The following RALYL variants were observed in gnomAD, a reference collection of about 807,000 sequenced individuals.
The protein encoded by RALYL is RNA-binding Raly-like protein.
RALYL carries 29 observed loss-of-function variants against 35.1 expected under a neutral mutation model. That is an observed-to-expected ratio of 0.83 (90% CI 0.61 to 1.13). RALYL has a LOEUF of 1.13. RALYL is among the 50% of genes most tolerant of loss of function. The probability of loss-of-function intolerance (pLI) is 0.00; values close to 1 mark genes in which losing one functional copy is unlikely to be tolerated. For synonymous variants in RALYL, 120 were observed against 127.6 expected (o/e 0.94, Z 0.40); for missense variants, 359 against 360.4 (o/e 1.00, Z 0.03).
chr8:84,319,902 G>C (rs910960885), intron 1 of RALYL, among the ~76,000 whole-genome samples: 2 of 151,844 alleles, frequency 1.3e-5, no homozygotes, highest in African/African-American at 4.8e-5. Context: ...TTGTAAGACA[G>C]AATTCAAATA....
At chr8:84,377,167 T>A (rs896360891) in intron 1 of RALYL, among the ~76,000 whole-genome samples, 33 of 151,946 alleles carry the variant, frequency 2.2e-4, no homozygotes, top group Middle Eastern at 3.4e-3. Flanking sequence ...ATATTTTAAG[T>A]ATCACAACTA....
intron 1 of RALYL, among the ~76,000 whole-genome samples, chr8:84,412,317 T>C (rs1311283392): frequency 6.6e-6 from 1 of 151,954 alleles, no homozygotes; most frequent in African/African-American, 2.4e-5. Flanking sequence ...AGGTGCTCAT[T>C]ACAATTTTAT....
intron 2 of RALYL, among the ~76,000 whole-genome samples, chr8:84,699,346 T>A (rs2132285320): frequency 6.6e-6 from 1 of 152,234 alleles, no homozygotes; most frequent in Admixed American, 6.5e-5. Flanking sequence ...TTCTCCCACA[T>A]CATGCTTGTC....
At chr8:84,624,222 G>T (rs1380672711) in intron 2 of RALYL, among the ~76,000 whole-genome samples, 1 of 152,118 alleles carries the variant, frequency 6.6e-6, no homozygotes, top group Non-Finnish European at 1.5e-5. Context: ...TTTTCTTACT[G>T]TACTAGTTCT....
chr8:84,370,853 C>T (rs1199444640), intron 1 of RALYL, among the ~76,000 whole-genome samples: 2 of 151,946 alleles, frequency 1.3e-5, no homozygotes, highest in Non-Finnish European at 2.9e-5. Flanking sequence ...TATATAGCTG[C>T]CTTAGATTGT....
intron 2 of RALYL, among the ~76,000 whole-genome samples, chr8:84,633,943 T>C (rs1457136367): frequency 6.6e-6 from 1 of 151,850 alleles, no homozygotes; most frequent in Non-Finnish European, 1.5e-5. Flanking sequence ...TACAGGTTTG[T>C]ACCTTAGGAA....
chr8:84,545,184 T>C (rs1212745567), intron 2 of RALYL, among the ~76,000 whole-genome samples: 1 of 152,146 alleles, frequency 6.6e-6, no homozygotes, highest in Non-Finnish European at 1.5e-5. Flanking sequence ...TATTTTATAA[T>C]CCATCTTTTC....
chr8:84,673,199 G>A (rs1466038881), intron 2 of RALYL, among the ~76,000 whole-genome samples: 2 of 151,900 alleles, frequency 1.3e-5, no homozygotes, highest in Non-Finnish European at 2.9e-5. Flanking sequence ...CATGTTATTT[G>A]CCTACTTTTT....
intron 2 of RALYL, among the ~76,000 whole-genome samples, chr8:84,678,092 G>A (rs572771561): frequency 1.2e-4 from 18 of 147,736 alleles, no homozygotes; most frequent in African/African-American, 3.7e-4. Flanking sequence ...AAATTCCACC[G>A]ATATCATAAG....
intron 1 of RALYL, among the ~76,000 whole-genome samples, chr8:84,244,625 T>G (rs960302073): frequency 6.6e-6 from 1 of 152,218 alleles, no homozygotes; most frequent in Non-Finnish European, 1.5e-5. Context: ...GCACCTCATT[T>G]CCAGGTCTTA....
intron 3 of RALYL, among the ~76,000 whole-genome samples, chr8:84,779,439 A>T (rs995380309): frequency 3.3e-5 from 5 of 152,198 alleles, no homozygotes; most frequent in Non-Finnish European, 5.9e-5. Flanking sequence ...AGGGAACTCA[A>T]CTCAGTAAGA....
At chr8:84,602,295 T>C (rs1816151238) in intron 2 of RALYL, among the ~76,000 whole-genome samples, 1 of 152,196 alleles carries the variant, frequency 6.6e-6, no homozygotes, top group Non-Finnish European at 1.5e-5. Flanking sequence ...GTCAGAAATC[T>C]ATAAGTCATT....
chr8:84,391,331 T>A (rs887304756), intron 1 of RALYL, among the ~76,000 whole-genome samples: 1 of 151,894 alleles, frequency 6.6e-6, no homozygotes, highest in African/African-American at 2.4e-5. Flanking sequence ...ATATTTAGGG[T>A]TTAGCTGAAA....
chr8:84,649,639 T>G (rs1828275350), intron 2 of RALYL, among the ~76,000 whole-genome samples: 1 of 152,084 alleles, frequency 6.6e-6, no homozygotes. Context: ...CATTGATCTA[T>G]ATCTCTGTTT....
At chr8:84,366,921 A>G (rs1038560455) in intron 1 of RALYL, among the ~76,000 whole-genome samples, 2 of 151,936 alleles carry the variant, frequency 1.3e-5, no homozygotes, top group African/African-American at 2.4e-5. Flanking sequence ...AAGGATTAAG[A>G]TGATTGGAGA....
In RALYL at chr8:84,753,732, AG is replaced by A. The variant is rs549027047; in HGVS notation, c.257-20846del. On this transcript the variant is annotated intron_variant, in intron 2 of 8. Transcript: ENST00000521268. Reference sequence around the variant, plus strand: ...CCATTTGCCTTCTGCCATGATTGAAAGTTTCTTGAGGCCTCCCCAGAAGCAT... The same window carrying A: ...CCATTTGCCTTCTGCCATGATTGAAATTTCTTGAGGCCTCCCCAGAAGCAT... Among the ~76,000 whole-genome samples the A allele has an allele frequency of 9.8e-4, 149 of 152,206 alleles. 1 individual carries two copies. Among genetic ancestry groups the A allele is most frequent in the African/African-American group, 3.4e-3 (143 of 41,544 alleles).
At chr8:84,774,448 TGTTGA>T (rs1166404358) in intron 2 of RALYL, 126 bp from the exon 3 acceptor site, 1 of 646,626 alleles carries the variant, frequency 1.5e-6, no homozygotes, top group Non-Finnish European at 2.7e-6. Context: ...AATAAACATA[TGTTGA>T]ATGAATCAAT....
rs1331620187 is a variant in RALYL, at chr8:84,552,368, T to A, written c.256+22791T>A. Among the ~76,000 whole-genome samples the A allele has an allele frequency of 4.0e-5, 5 of 124,988 alleles. No homozygotes were observed. The East Asian group carries it at 9.3e-4, about 23-fold the overall frequency. 82.0% of individuals were successfully genotyped at this position (124,988 alleles called of 152,430 possible). A position where few individuals can be genotyped will look rare whatever the true frequency, so the allele number is the denominator to read the frequency against. On this transcript the variant is annotated intron_variant, in intron 2 of 8. Transcript: ENST00000521268. ...TATATATATATATATATTTTTTTTT[T>A]TTTTTTTTTTTTTTTTTTTGAGAAA...
At chr8:84,316,547 T>A (rs2130188017) in intron 1 of RALYL, among the ~76,000 whole-genome samples, 1 of 152,028 alleles carries the variant, frequency 6.6e-6, no homozygotes, top group East Asian at 1.9e-4. Context: ...TCTGAGTGAT[T>A]TATTATTTTG....
Sources: gnomAD v4.1 joint callset for allele counts (sites outside exome capture counted in the v4.1 genomes callset) on GRCh38, gnomAD v4.1.1 for gene constraint, MANE v1.5 for transcripts, NCBI Gene and HGNC (gene_info 2026-07-23, HGNC 2026-07-21) for gene names.